Variants in CSF2RA observed in about 807,000 individuals in gnomAD.
CSF2RA encodes colony stimulating factor 2 receptor subunit alpha.
A neutral mutation model predicts 51.6 loss-of-function variants in CSF2RA; 42 were observed. The ratio of observed to expected loss-of-function variants is 0.81; its 90% CI spans 0.64 to 1.05. The LOEUF (loss-of-function observed/expected upper bound fraction) is 1.05, where lower values mean the gene tolerates loss of function less well. CSF2RA is among the 50% of genes least tolerant of loss of function. The pLI, the probability that CSF2RA is intolerant of heterozygous loss-of-function variation, is 0.00. For missense variants in CSF2RA, 530 were observed against 501.1 expected, an observed-to-expected ratio of 1.06 and a Z score of -0.55; for synonymous variants, 222 against 193.0, an observed-to-expected ratio of 1.15 and a Z score of -1.24.
chrX:1,299,969 G>A (rs1434684009), intron 9 of CSF2RA, among the ~76,000 whole-genome samples: 3 of 151,038 alleles, frequency 2.0e-5, no homozygotes, highest in African/African-American at 7.3e-5. Context: ...TGTAATCCCA[G>A]CACTTTGTGA....
At chrX:1,306,620 C>G (rs1341253968) in intron 12 of CSF2RA, among the ~76,000 whole-genome samples, 3 of 151,930 alleles carry the variant, frequency 2.0e-5, no homozygotes, top group Admixed American at 6.6e-5. Flanking sequence ...GCACTCTAAC[C>G]TGGGCAACAG....
intron 1 of CSF2RA, among the ~76,000 whole-genome samples, chrX:1,272,965 C>T (rs2088648634): frequency 6.6e-6 from 1 of 151,398 alleles, no homozygotes; most frequent in African/African-American, 2.4e-5. Flanking sequence ...ATTACAGGCA[C>T]GTACCACTAC....
intron 6 of CSF2RA, among the ~76,000 whole-genome samples, 194 bp from the exon 7 acceptor site, chrX:1,290,139 GTGTT>G (rs2091255175): frequency 1.7e-5 from 2 of 116,680 alleles, no homozygotes; most frequent in Non-Finnish European, 3.7e-5. Flanking sequence ...GTTTTGTTTT[GTGTT>G]TGTTTTCGTT....
intron 2 of CSF2RA, chrX:1,282,419 C>A (rs1248096196): frequency 3.5e-6 from 2 of 572,298 alleles, no homozygotes; most frequent in African/African-American, 3.8e-5. Flanking sequence ...GTCAGCTGAG[C>A]CATGACCCAT....
At chrX:1,299,766 A>G (rs1271785183) in intron 9 of CSF2RA, among the ~76,000 whole-genome samples, 1 of 151,716 alleles carries the variant, frequency 6.6e-6, no homozygotes, top group Non-Finnish European at 1.5e-5. Context: ...AAAAATACAA[A>G]ACGTACCCAT....
chrX:1,300,937 G>A (rs1166633786), intron 10 of CSF2RA, among the ~76,000 whole-genome samples: 6 of 151,288 alleles, frequency 4.0e-5, no homozygotes, highest in East Asian at 1.9e-4. Flanking sequence ...GCGGATCACC[G>A]GAGGTCAGGA....
At chrX:1,315,744 A>T in the CSF2RA span, among the ~76,000 whole-genome samples, 2 of 151,996 alleles carry the variant, frequency 1.3e-5, no homozygotes, top group African/African-American at 2.4e-5. Context: ...ACATAGATAG[A>T]TAGATAGAAA....
chrX:1,311,167 T>C (rs1380408930), downstream of CSF2RA, among the ~76,000 whole-genome samples: 1 of 151,462 alleles, frequency 6.6e-6, no homozygotes, highest in Non-Finnish European at 1.5e-5. Flanking sequence ...CAGAATTGCT[T>C]GAACCCGGGA....
chrX:1,286,018 A>G (rs1255059942), intron 4 of CSF2RA, 98 bp downstream of exon 4: 1 of 1,425,356 alleles, frequency 7.0e-7, no homozygotes, highest in East Asian at 2.3e-5. Flanking sequence ...CACGCCTGTC[A>G]TCCCAGCACT....
chrX:1,298,314 C>T (rs1252104261), intron 9 of CSF2RA, among the ~76,000 whole-genome samples: 1 of 38,128 alleles, frequency 2.6e-5, no homozygotes, highest in Non-Finnish European at 4.7e-5. Flanking sequence ...CCCATGACCC[C>T]TGGCGGAACC....
the CSF2RA span, among the ~76,000 whole-genome samples, chrX:1,320,281 G>A: frequency 6.6e-6 from 1 of 152,080 alleles, no homozygotes; most frequent in Non-Finnish European, 1.5e-5. Context: ...ACCCGCCTCG[G>A]CCTCCCAAAA....
intron 12 of CSF2RA, among the ~76,000 whole-genome samples, chrX:1,306,697 CAG>C (rs1373990629): frequency 6.6e-6 from 1 of 151,042 alleles, no homozygotes; most frequent in African/African-American, 2.4e-5. Flanking sequence ...AGGAGAGAGA[CAG>C]AGAGGAACAG....
intron 3 of CSF2RA, among the ~76,000 whole-genome samples, chrX:1,284,492 G>T (rs1234837719): frequency 3.5e-5 from 5 of 142,050 alleles, no homozygotes; most frequent in Non-Finnish European, 7.5e-5. Flanking sequence ...GCAGTGGCGC[G>T]ATCTCGGCTC....
At chrX:1,306,862 G>A (rs185686681) in intron 12 of CSF2RA, among the ~76,000 whole-genome samples, 215 of 149,798 alleles carry the variant, frequency 1.4e-3, no homozygotes, top group African/African-American at 5.1e-3. Context: ...CACAGAGAGG[G>A]GAGAGAGAGA....
At chrX:1,321,424 G>C in the CSF2RA span, among the ~76,000 whole-genome samples, 1 of 149,282 alleles carries the variant, frequency 6.7e-6, no homozygotes, top group Non-Finnish European at 1.5e-5. Context: ...AGCCGAGATC[G>C]TGCCACTGCA....
chrX:1,321,352 C>T, the CSF2RA span, among the ~76,000 whole-genome samples: 2 of 152,068 alleles, frequency 1.3e-5, no homozygotes, highest in African/African-American at 4.8e-5. Context: ...TCCTGTAGTC[C>T]CAGCTACTCG....
chrX:1,284,315 A>G (rs2090389376), intron 3 of CSF2RA, among the ~76,000 whole-genome samples: 1 of 141,860 alleles, frequency 7.0e-6, no homozygotes, highest in Admixed American at 7.4e-5. Context: ...GTATCCTCCC[A>G]CTCCAGCCTC....
rs773565264 is a variant in CSF2RA, at chrX:1,284,148, A to G, written c.76+1369A>G. ...TTCAGAGCCACATCACTCTGGATAA[A>G]GAGCCTTTGCCTGTTCTCATTCAAG... On this transcript the variant is annotated intron_variant, in intron 3 of 12. Coordinates refer to ENST00000381529, the MANE Select transcript of CSF2RA (RefSeq NM_172245.4). Among the ~76,000 whole-genome samples the G allele has an allele frequency of 2.0e-5, 3 of 150,968 alleles. No individual in the cohort carries two copies. The East Asian group carries it at 5.8e-4, about 29-fold the overall frequency.
intron 4 of CSF2RA, among the ~76,000 whole-genome samples, chrX:1,286,493 C>T (rs1407869935): frequency 2.2e-4 from 33 of 151,614 alleles, no homozygotes; most frequent in East Asian, 7.8e-4. Context: ...TACTGAAACT[C>T]GGGAGGCGGA....
Sources: gnomAD v4.1 joint callset for allele counts (sites outside exome capture counted in the v4.1 genomes callset) on GRCh38, gnomAD v4.1.1 for gene constraint, MANE v1.5 for transcripts, NCBI Gene and HGNC (gene_info 2026-07-23, HGNC 2026-07-21) for gene names.